NUTM2G: variants seen among roughly 807,000 people sequenced by gnomAD.
NUTM2G encodes the protein NUT family member 2G.
Under a neutral mutation model 44.3 loss-of-function variants are expected in NUTM2G, and 29 were observed. The observed-to-expected ratio is 0.66, with a 90% CI of 0.49 to 0.89. The LOEUF (loss-of-function observed/expected upper bound fraction) is 0.89. NUTM2G is among the 40% of genes least tolerant of loss of function. The probability of loss-of-function intolerance (pLI) is 0.00; values close to 1 mark genes in which losing one functional copy is unlikely to be tolerated. For synonymous variants in NUTM2G, 205 were observed against 395.9 expected (o/e 0.52, Z 5.72); for missense variants, 502 against 946.5 (o/e 0.53, Z 6.16).
chr9:96,929,100 C>T, intron 1 of NUTM2G, 60 bp downstream of exon 1: 2 of 1,609,976 alleles, frequency 1.2e-6, no homozygotes, highest in South Asian at 1.1e-5. Context: ...CTTGGGAATT[C>T]AAATTTGAAC....
In NUTM2G at chr9:96,935,254, C is replaced by G; in HGVS notation, c.714-74C>G. ...AGGACAGGTGTGGGGAGGACAGGAG[C>G]CAGGTGTTGGGACCAGGTGGGCCCG... On this transcript the variant is annotated intron_variant, in intron 2 of 6. Coordinates refer to ENST00000372322, the MANE Select transcript of NUTM2G (RefSeq NM_001170741.3). The G allele has an allele frequency of 6.9e-6, 11 of 1,599,502 alleles. 1 individual carries two copies. In the South Asian group the frequency reaches 1.2e-4, roughly 18 times the overall value.
At chr9:96,936,304 G>T in intron 3 of NUTM2G, 121 bp from the exon 4 acceptor site, 2 of 1,518,774 alleles carry the variant, frequency 1.3e-6, no homozygotes, top group Non-Finnish European at 8.8e-7. Context: ...ATGGGTCCCA[G>T]TGAGGGCCTA....
chr9:96,939,485 G>A, downstream of NUTM2G: 1 of 71,966 alleles, frequency 1.4e-5, no homozygotes, highest in African/African-American at 7.7e-4. Flanking sequence ...TGAGGCCTCA[G>A]GGCTGAGGAA....
At chr9:96,929,563 G>A (rs1338095238) in intron 1 of NUTM2G, among the ~76,000 whole-genome samples, 1 of 152,148 alleles carries the variant, frequency 6.6e-6, no homozygotes, top group Non-Finnish European at 1.5e-5. Context: ...GGGTGGGCAA[G>A]GCTGGGGGCC....
At position 96,937,593 on chromosome 9, in the gene NUTM2G, T is replaced by C. The variant is rs186697081; in HGVS notation, c.1323+189T>C. On this transcript the variant is annotated intron_variant, in intron 5 of 6. Transcript: ENST00000372322. Reference sequence around the variant, plus strand: ...GTGTCTGTGATTTGTTACTGTGTCTTTGTGTGTCTGTGTGGGTGTGGGTGT... The same window carrying C: ...GTGTCTGTGATTTGTTACTGTGTCTCTGTGTGTCTGTGTGGGTGTGGGTGT... Among the ~76,000 whole-genome samples, 4 of 152,096 alleles carry C rather than the reference T, an allele frequency of 2.6e-5. No homozygotes were observed. In the South Asian group the frequency reaches 8.3e-4, roughly 32 times the overall value.
intron 3 of NUTM2G, 139 bp downstream of exon 3, chr9:96,935,595 C>T: frequency 6.5e-7 from 1 of 1,529,760 alleles, no homozygotes; most frequent in Non-Finnish European, 8.9e-7. Context: ...CCCCTGGCTC[C>T]CTCAGGAAGC....
rs573653882 is a variant in NUTM2G, at chr9:96,932,978, CT to C, written c.713+577del. 5.8e-3 allele frequency among the ~76,000 whole-genome samples: 751 copies of C among 129,386 alleles called. 1 individual carries two copies. The highest frequency in any genetic ancestry group is 0.016 in the African/African-American group (552 of 34,936). 84.9% of individuals were successfully genotyped at this position (129,386 alleles called of 152,430 possible). A position where few individuals can be genotyped will look rare whatever the true frequency, so the allele number is the denominator to read the frequency against. ...TACTTACTTTCTTTTCTTTTCTTTT[CT>C]TTTTTTTTTTTTTTTTGAGATGGAG... On this transcript the variant is annotated intron_variant, in intron 2 of 6. Coordinates refer to ENST00000372322, the MANE Select transcript of NUTM2G (RefSeq NM_001170741.3).
In NUTM2G at chr9:96,935,344, CT is replaced by C. The variant is rs770844680; in HGVS notation, c.731del (p.Leu244ArgfsTer8). The C allele has an allele frequency of 6.2e-7, 1 of 1,611,924 alleles. No individual in the cohort carries two copies. The highest frequency in any genetic ancestry group is 1.3e-5 in the African/African-American group (1 of 74,870). ...SCFLIPVLRSLARRKPTMTLE... is the reference protein window; with the variant it reads ...SCFLIPVLRSXARRKPTMTLE... ...GGTTTACAGCCCAGTTCTCCGATCC[CT>C]GGCCCGGCGGAAGCCCACCATGACG... On this transcript the variant is annotated frameshift_variant, in exon 3 of 7. Coordinates refer to ENST00000372322, the MANE Select transcript of NUTM2G (RefSeq NM_001170741.3). LOFTEE classifies it high-confidence loss of function.
At position 96,936,487 on chromosome 9, in the gene NUTM2G, C is replaced by A. The variant is rs763389876; in HGVS notation, c.905C>A (p.Pro302His). ...CAGAAATCGCAGTGGATGAAGGGGC[C>A]CCAGAGCCTGCCTCCTCCAGCCCCG... ...QIQKSQWMKG[P>H]QSLPPPAPPR... The change falls in exon 4 of 7, where the codon CCC (proline) becomes CAC (histidine). Residue 302 changes from proline (P) to histidine (H), a missense_variant. By Grantham distance (77) the Pro-to-His change is moderately conservative (BLOSUM62 -2). Transcript: ENST00000372322. 1 of 1,557,798 alleles carries A rather than the reference C, an allele frequency of 6.4e-7. No homozygotes were observed. Among genetic ancestry groups the A allele is most frequent in the South Asian group, 1.2e-5 (1 of 86,034 alleles).
At position 96,931,917 on chromosome 9, in the gene NUTM2G, G is replaced by T. The variant is rs750368076; in HGVS notation, c.212G>T (p.Arg71Leu). ...CCTCTAGTGGCAGGACAGGATGGCCGCGGCCCAAGTGGGGCTGGGGCTTCC... is the reference window on the plus strand; with the variant it reads ...CCTCTAGTGGCAGGACAGGATGGCCTCGGCCCAAGTGGGGCTGGGGCTTCC... ...STPLVAGQDG[R>L]GPSGAGASNV... The change falls in exon 2 of 7, where the codon CGC (arginine) becomes CTC (leucine). Residue 71 changes from arginine to leucine, a missense_variant. Transcript: ENST00000372322. The T allele has an allele frequency of 1.2e-6, 2 of 1,612,074 alleles. No homozygotes were observed. The highest frequency in any genetic ancestry group is 1.7e-6 in the Non-Finnish European group (2 of 1,179,842).
chr9:96,935,756 G>A (rs548612700), intron 3 of NUTM2G, among the ~76,000 whole-genome samples: 1 of 152,258 alleles, frequency 6.6e-6, no homozygotes, highest in South Asian at 2.1e-4. Flanking sequence ...CTCCAGCTGT[G>A]GGGATGGGAA....
At chr9:96,937,023 G>A in intron 4 of NUTM2G, 41 bp from the exon 5 acceptor site, 1 of 1,525,546 alleles carries the variant, frequency 6.6e-7, no homozygotes, top group Non-Finnish European at 8.8e-7. Context: ...GGCAGGAGGA[G>A]CGGCCCTCAC....
At chr9:96,934,238 A>G (rs2261714) in intron 2 of NUTM2G, among the ~76,000 whole-genome samples, 27 of 152,154 alleles carry the variant, frequency 1.8e-4, no homozygotes, top group African/African-American at 5.3e-4. Flanking sequence ...TCTCCACCCC[A>G]CGGCACCTCT....
chr9:96,936,738 GC>G (rs1386920954), intron 4 of NUTM2G, among the ~76,000 whole-genome samples, 174 bp downstream of exon 4: 2 of 152,176 alleles, frequency 1.3e-5, no homozygotes, highest in African/African-American at 2.4e-5. Flanking sequence ...TTCATGGGTG[GC>G]CCGTGATCAC....
chr9:96,932,469 G>T (rs1341763630), intron 2 of NUTM2G, 51 bp downstream of exon 2: 1 of 1,224,704 alleles, frequency 8.2e-7, no homozygotes, highest in Non-Finnish European at 1.2e-6. Context: ...CTCATAAAGA[G>T]GCTGCTGGAT....
chr9:96,933,386 T>C (rs985222504), intron 2 of NUTM2G: 6 of 151,964 alleles, frequency 3.9e-5, no homozygotes, highest in African/African-American at 1.5e-4. Flanking sequence ...TGTTTGTTTG[T>C]TTGAGATGGA....
rs148635120 is a variant in NUTM2G, at chr9:96,931,183, C to A, written c.17-539C>A. 5.4e-3 allele frequency among the ~76,000 whole-genome samples: 821 copies of A among 152,124 alleles called. 6 individuals are homozygous for A. The highest frequency in any genetic ancestry group is 7.9e-3 in the South Asian group (38 of 4,814). On this transcript the variant is annotated intron_variant, in intron 1 of 6. Transcript: ENST00000372322. ...GATGACAGGCATGAACCAGCATGCC[C>A]GGCCTATCCAGTGGTTTTCTTTTGT...
Position 96,935,545 on chromosome 9 carries a change from G to A in NUTM2G, c.842+89G>A. ...GTGGCCGTGGTGGCTTCTCAGCGTGGAGCATGAGGAGGGTGTGGACAAACA... is the reference window on the plus strand; with the variant it reads ...GTGGCCGTGGTGGCTTCTCAGCGTGAAGCATGAGGAGGGTGTGGACAAACA... On this transcript the variant is annotated intron_variant, in intron 3 of 6. Coordinates refer to ENST00000372322, the MANE Select transcript of NUTM2G (RefSeq NM_001170741.3). The A allele has an allele frequency of 4.3e-6, 7 of 1,609,790 alleles. No individual in the cohort carries two copies. In the East Asian group the frequency reaches 1.1e-4, roughly 26 times the overall value.
intron 2 of NUTM2G, among the ~76,000 whole-genome samples, chr9:96,934,855 G>T (rs1300282835): frequency 6.6e-6 from 1 of 152,004 alleles, no homozygotes; most frequent in Non-Finnish European, 1.5e-5. Flanking sequence ...TGGGTGTCTG[G>T]TCAGGGCCCT....
Sources: gnomAD v4.1 joint callset for allele counts (sites outside exome capture counted in the v4.1 genomes callset) on GRCh38, gnomAD v4.1.1 for gene constraint, MANE v1.5 for transcripts, NCBI Gene and HGNC (gene_info 2026-07-23, HGNC 2026-07-21) for gene names.